The following CELF2 variants were observed in gnomAD, a reference collection of about 807,000 sequenced individuals.
CELF2 encodes CUG triplet repeat RNA-binding protein 2.
Under a neutral mutation model 62.6 loss-of-function variants are expected in CELF2, and 8 were observed. The observed-to-expected ratio is 0.13, with a 90% CI of 0.07 to 0.23. CELF2 has a LOEUF of 0.23. CELF2 is among the 10% of genes least tolerant of loss of function. The pLI, the probability that CELF2 is intolerant of heterozygous loss-of-function variation, is 1.00. For synonymous variants in CELF2, 258 were observed against 250.0 expected (o/e 1.03, Z -0.30); for missense variants, 333 against 671.0 (o/e 0.50, Z 5.56).
the CELF2 span, among the ~76,000 whole-genome samples, chr10:10,703,750 A>T: frequency 6.6e-6 from 1 of 152,316 alleles, no homozygotes; most frequent in Non-Finnish European, 1.5e-5. Context: ...CTGAATCCCA[A>T]CATTACCCCT....
chr10:10,935,854 TGTAAA>T (rs1321116987), intron 2 of CELF2, among the ~76,000 whole-genome samples: 2 of 152,130 alleles, frequency 1.3e-5, no homozygotes, highest in African/African-American at 2.4e-5. Context: ...AGTTGACTTT[TGTAAA>T]GTAGAAAGAA....
the CELF2 span, among the ~76,000 whole-genome samples, chr10:10,660,628 A>C: frequency 6.6e-6 from 1 of 152,234 alleles, no homozygotes; most frequent in Non-Finnish European, 1.5e-5. Context: ...CAAGGCTGAG[A>C]CAGCATTTAT....
rs564091357 is a variant in CELF2, at chr10:11,129,229, G to A, written c.75-36257G>A. 9.2e-5 allele frequency among the ~76,000 whole-genome samples: 14 copies of A among 152,242 alleles called. No individual in the cohort carries two copies. In the South Asian group the frequency reaches 2.1e-3, roughly 23 times the overall value. ...AGCCTTGCATCCCAGGGATGAAGCC[G>A]ACTTGATATTGGTGGATAAGCTTTT... On this transcript the variant is annotated intron_variant, in intron 1 of 12. Coordinates refer to ENST00000633077, the MANE Select transcript of CELF2 (RefSeq NM_001326342.2).
Position 11,246,192 on chromosome 10 carries a change from C to G in CELF2, c.355-2961C>G, listed in dbSNP as rs1274151666. Among the ~76,000 whole-genome samples the G allele has an allele frequency of 6.6e-6, 1 of 152,134 alleles. No individual in the cohort carries two copies. The highest frequency in any genetic ancestry group is 1.5e-5 in the Non-Finnish European group (1 of 67,994). ...CCCTGTTTTTTATGTGGATGCGTATCGACCGCCATGATAGACTGCACACTC... is the reference window on the plus strand; with the variant it reads ...CCCTGTTTTTTATGTGGATGCGTATGGACCGCCATGATAGACTGCACACTC... On this transcript the variant is annotated intron_variant, in intron 3 of 12. Coordinates refer to ENST00000633077, the MANE Select transcript of CELF2 (RefSeq NM_001326342.2). The surrounding 1 kb of genome is among the most constrained non-coding windows in gnomAD (Gnocchi z 4.6).
the CELF2 span, among the ~76,000 whole-genome samples, chr10:10,712,482 A>G: frequency 6.6e-6 from 1 of 151,990 alleles, no homozygotes; most frequent in Non-Finnish European, 1.5e-5. Flanking sequence ...TTTTTAACCA[A>G]AGCTATAAAT....
Position 10,993,696 on chromosome 10 carries a change from G to A in CELF2, c.89+73697G>A, listed in dbSNP as rs2053660245. 6.6e-6 allele frequency among the ~76,000 whole-genome samples: 1 copy of A among 152,176 alleles called. No individual in the cohort carries two copies. Among genetic ancestry groups the A allele is most frequent in the Non-Finnish European group, 1.5e-5 (1 of 68,030 alleles). ...ATTCTAATGGGGTATTAGAGAACTG[G>A]AGGACAGTCCTGGATTGGATGTTTT... On this transcript the variant is annotated intron_variant, in intron 2 of 13. Transcript: ENST00000636488. This position sits in a 1 kb window ranked among gnomAD's most constrained non-coding sequence, Gnocchi z 5.3.
chr10:10,824,359 T>C (rs992952554), intron 1 of CELF2, among the ~76,000 whole-genome samples: 4 of 152,196 alleles, frequency 2.6e-5, no homozygotes, highest in African/African-American at 7.2e-5. Context: ...TCCATTTGTC[T>C]CATCTCACAG....
intron 1 of CELF2, among the ~76,000 whole-genome samples, chr10:10,831,209 G>C (rs542272320): frequency 6.6e-6 from 1 of 152,178 alleles, no homozygotes. Context: ...AAATAACCAC[G>C]AGTCACCCAG....
At chr10:10,650,103 C>A in the CELF2 span, among the ~76,000 whole-genome samples, 42 of 152,216 alleles carry the variant, frequency 2.8e-4, no homozygotes, top group African/African-American at 1.0e-3. Flanking sequence ...GCTGGTCTCA[C>A]ATCCAGGGAA....
At chr10:11,275,302 G>GT in intron 8 of CELF2, among the ~76,000 whole-genome samples, 182 bp downstream of exon 8, 1 of 152,164 alleles carries the variant, frequency 6.6e-6, no homozygotes, top group Non-Finnish European at 1.5e-5. Context: ...TATTTCTTAG[G>GT]TTACCTACCC....
the CELF2 span, among the ~76,000 whole-genome samples, chr10:10,474,484 G>C: frequency 6.6e-6 from 1 of 152,090 alleles, no homozygotes; most frequent in African/African-American, 2.4e-5. Context: ...CAACAATTCT[G>C]TGTTTTAGTG....
chr10:11,217,391 GA>G lies in CELF2; in HGVS notation c.272-31del. 6.7e-7 allele frequency: 1 copy of G among 1,503,078 alleles called. No homozygotes were observed. Among genetic ancestry groups the G allele is most frequent in the Non-Finnish European group, 9.2e-7 (1 of 1,084,942 alleles). 93.1% of individuals were successfully genotyped at this position (1,503,078 alleles called of 1,614,324 possible). On this transcript the variant is annotated intron_variant, in intron 2 of 12. Coordinates refer to ENST00000633077, the MANE Select transcript of CELF2 (RefSeq NM_001326342.2). The surrounding 1 kb of genome is among the most constrained non-coding windows in gnomAD (Gnocchi z 5.6). The stretch of plus-strand genomic sequence containing the variant: ...ATTATATCTAAGCAAAGCATTCACA[GA>G]AATTTCTAAAACCTTTTCATTTCTC...
the CELF2 span, among the ~76,000 whole-genome samples, chr10:10,737,555 A>G: frequency 6.6e-6 from 1 of 152,026 alleles, no homozygotes; most frequent in Non-Finnish European, 1.5e-5. Flanking sequence ...GATGGAATAC[A>G]TTTGCGAAGT....
intron 10 of CELF2, chr10:11,317,968 AC>A (rs981513135): frequency 3.3e-5 from 5 of 152,234 alleles, no homozygotes; most frequent in African/African-American, 1.2e-4. Context: ...GATCCAGTGG[AC>A]CATTTCAAGG....
intron 1 of CELF2, chr10:10,846,130 C>T (rs553132003): frequency 1.4e-5 from 14 of 984,840 alleles, no homozygotes; most frequent in East Asian, 1.1e-4. Flanking sequence ...ATTCCTTTGA[C>T]GATATTTGGG....
intron 1 of CELF2, among the ~76,000 whole-genome samples, chr10:11,088,792 A>G (rs1247418065): frequency 6.6e-6 from 1 of 152,156 alleles, no homozygotes; most frequent in Non-Finnish European, 1.5e-5. Flanking sequence ...TCTGTCTGAC[A>G]ATGTCTGGGA....
At chr10:10,835,458 C>T (rs1427383721) in intron 1 of CELF2, among the ~76,000 whole-genome samples, 1 of 151,464 alleles carries the variant, frequency 6.6e-6, no homozygotes, top group African/African-American at 2.4e-5. Flanking sequence ...TCTCGGCTCA[C>T]TGCAACCTCT....
chr10:10,539,922 G>C, the CELF2 span, among the ~76,000 whole-genome samples: 1 of 152,178 alleles, frequency 6.6e-6, no homozygotes, highest in East Asian at 1.9e-4. Flanking sequence ...TTTTTCCCTT[G>C]GGTGCTCAGG....
At chr10:11,032,215 T>A (rs545832582) in intron 1 of CELF2, among the ~76,000 whole-genome samples, 19 of 150,216 alleles carry the variant, frequency 1.3e-4, no homozygotes, top group African/African-American at 3.9e-4. Flanking sequence ...TCTTTCTTTG[T>A]CCTTAGAACC....
Sources: allele counts gnomAD v4.1 joint callset (sites outside exome capture counted in the v4.1 genomes callset), GRCh38; gene constraint gnomAD v4.1.1; non-coding constraint Gnocchi (gnomAD v3.1); transcripts MANE v1.5; gene names NCBI Gene and HGNC (gene_info 2026-07-23, HGNC 2026-07-21).